PDE4D: variants seen among roughly 807,000 people sequenced by gnomAD.
PDE4D encodes phosphodiesterase 4D, also known as 3',5'-cyclic-AMP phosphodiesterase 4D.
A neutral mutation model predicts 87.4 loss-of-function variants in PDE4D; 24 were observed. That is an observed-to-expected ratio of 0.27 (90% CI 0.20 to 0.39). The LOEUF is 0.39. PDE4D is among the 10% of genes least tolerant of loss of function. PDE4D has a pLI of 1.00. For synonymous variants in PDE4D, 384 were observed against 383.2 expected (o/e 1.00, Z -0.02); for missense variants, 714 against 1,041.0 (o/e 0.69, Z 4.32).
At chr5:60,197,869 C>T (rs1583044174) in intron 1 of PDE4D, among the ~76,000 whole-genome samples, 1 of 151,592 alleles carries the variant, frequency 6.6e-6, no homozygotes, top group Non-Finnish European at 1.5e-5. Context: ...AGCCCGTTAG[C>T]GCCCTTGCAA....
At chr5:59,489,285 C>CAA (rs70975319) in intron 1 of PDE4D, among the ~76,000 whole-genome samples, 35 of 148,344 alleles carry the variant, frequency 2.4e-4, no homozygotes, top group Admixed American at 2.7e-4. Context: ...ACAAAAAAAA[C>CAA]AAAAAAAAAC....
intron 1 of PDE4D, among the ~76,000 whole-genome samples, chr5:60,379,668 AG>A (rs1291685832): frequency 6.6e-6 from 1 of 152,168 alleles, no homozygotes; most frequent in African/African-American, 2.4e-5. Context: ...GGTTCTTTGT[AG>A]GAAGTCTTTT....
At chr5:60,196,426 G>A (rs755457243) in intron 1 of PDE4D, among the ~76,000 whole-genome samples, 1 of 151,718 alleles carries the variant, frequency 6.6e-6, no homozygotes, top group Non-Finnish European at 1.5e-5. Context: ...GCCTCCTGCA[G>A]CAGAGAAGAA....
At chr5:59,800,203 GT>G (rs1451828875) in intron 1 of PDE4D, among the ~76,000 whole-genome samples, 1 of 151,944 alleles carries the variant, frequency 6.6e-6, no homozygotes, top group Non-Finnish European at 1.5e-5. Flanking sequence ...TATATGAAAT[GT>G]TTCCTATTAG....
At chr5:60,382,164 T>A (rs940654673) in intron 1 of PDE4D, among the ~76,000 whole-genome samples, 1 of 152,112 alleles carries the variant, frequency 6.6e-6, no homozygotes, top group Admixed American at 6.5e-5. Context: ...GATGTAATTA[T>A]GATAAGCATT....
intron 1 of PDE4D, among the ~76,000 whole-genome samples, chr5:59,394,100 T>C (rs1788806674): frequency 6.6e-6 from 1 of 151,078 alleles, no homozygotes; most frequent in African/African-American, 2.5e-5. Context: ...TCCCCTTCAG[T>C]TGCTAAAATA....
chr5:59,227,542 G>A lies in PDE4D; in HGVS notation c.456-11574C>T, dbSNP rs181965170. Among the ~76,000 whole-genome samples the A allele has an allele frequency of 3.6e-3, 544 of 152,008 alleles. 4 individuals carry two copies. The highest frequency in any genetic ancestry group is 0.012 in the African/African-American group (503 of 41,478). On this transcript the variant is annotated intron_variant, in intron 1 of 14. Transcript: ENST00000340635. ...CCCAGAATCTACAACGAAATTAAACGAACATTCAAGCAAAAACCAAACCGC... is the reference window on the plus strand; with the variant it reads ...CCCAGAATCTACAACGAAATTAAACAAACATTCAAGCAAAAACCAAACCGC...
chr5:60,032,031 T>C (rs527726353), intron 2 of PDE4D, among the ~76,000 whole-genome samples: 1 of 152,284 alleles, frequency 6.6e-6, no homozygotes, highest in African/African-American at 2.4e-5. Flanking sequence ...AAATTACCTT[T>C]TTAATTAGTA....
intron 1 of PDE4D, among the ~76,000 whole-genome samples, chr5:59,326,860 C>T (rs1254678529): frequency 6.6e-6 from 1 of 152,034 alleles, no homozygotes; most frequent in Non-Finnish European, 1.5e-5. Flanking sequence ...AATTCCTTTC[C>T]AATTCGCATA....
rs35979900 is a variant in PDE4D at position 59,762,854 on chromosome 5, G to GATATATATATATAT, written c.455+130300_455+130313dup. ...ACTAAAAAAGAGCAAACTGCTTAAG[G>GATATATATATATAT]ATATATATATATATATATATATATA... On this transcript the variant is annotated intron_variant, in intron 1 of 14. Coordinates refer to ENST00000340635, the MANE Select transcript of PDE4D (RefSeq NM_001104631.2). Among the ~76,000 whole-genome samples, 14 of 51,690 alleles carry GATATATATATATAT rather than the reference G, an allele frequency of 2.7e-4. 1 individual carries two copies. Among genetic ancestry groups the GATATATATATATAT allele is most frequent in the Non-Finnish European group, 3.8e-4 (10 of 26,576 alleles). The allele number at this position is 51,690 out of a possible 152,430, so 33.9% of individuals were successfully genotyped here.
At chr5:59,358,366 A>C (rs1488405608) in intron 1 of PDE4D, among the ~76,000 whole-genome samples, 2 of 152,104 alleles carry the variant, frequency 1.3e-5, no homozygotes, top group African/African-American at 4.8e-5. Context: ...CAATATTGTA[A>C]CGCTTCACAA....
chr5:59,125,919 A>C (rs1422487088), intron 5 of PDE4D, among the ~76,000 whole-genome samples: 1 of 152,132 alleles, frequency 6.6e-6, no homozygotes, highest in Non-Finnish European at 1.5e-5. Context: ...GGGAGGGGGC[A>C]CAAGGAGCCT....
chr5:59,429,613 T>G lies in PDE4D; in HGVS notation c.456-213645A>C, dbSNP rs537291952. Among the ~76,000 whole-genome samples the G allele has an allele frequency of 7.2e-5, 11 of 152,314 alleles. 2 individuals are homozygous for G. Among genetic ancestry groups the G allele is most frequent in the African/African-American group, 2.6e-4 (11 of 41,592 alleles). ...CATAAAATTAGGGAGAAATGGAATT[T>G]TCACAGAGAGAATGGAACATCTTTA... On this transcript the variant is annotated intron_variant, in intron 1 of 14. Coordinates refer to ENST00000340635, the MANE Select transcript of PDE4D (RefSeq NM_001104631.2).
intron 1 of PDE4D, among the ~76,000 whole-genome samples, chr5:59,343,793 C>T (rs1779171187): frequency 6.6e-6 from 1 of 152,114 alleles, no homozygotes; most frequent in South Asian, 2.1e-4. Context: ...ACAGTCCATA[C>T]ACTCAATTTC....
chr5:59,127,668 G>GC (rs1775649383), intron 5 of PDE4D, among the ~76,000 whole-genome samples: 1 of 136,208 alleles, frequency 7.3e-6, no homozygotes, highest in African/African-American at 2.9e-5. Flanking sequence ...CAAAAGCACT[G>GC]CAATTGCTTG....
intron 1 of PDE4D, among the ~76,000 whole-genome samples, chr5:60,253,585 G>GA (rs1198997195): frequency 5.9e-5 from 9 of 151,682 alleles, no homozygotes; most frequent in Non-Finnish European, 1.2e-4. Context: ...TATGAGAAAG[G>GA]AAAAAAATTC....
intron 1 of PDE4D, among the ~76,000 whole-genome samples, chr5:59,692,104 G>C (rs769186899): frequency 6.6e-6 from 1 of 152,110 alleles, no homozygotes; most frequent in Non-Finnish European, 1.5e-5. Context: ...TGTGGGAAAA[G>C]TTCTTCTTAA....
intron 1 of PDE4D, among the ~76,000 whole-genome samples, chr5:59,480,574 T>C (rs1177874240): frequency 6.6e-6 from 1 of 152,156 alleles, no homozygotes; most frequent in African/African-American, 2.4e-5. Context: ...CATCATGGCA[T>C]GTGGCCATGT....
At chr5:59,104,572 A>G (rs148808763) in intron 5 of PDE4D, among the ~76,000 whole-genome samples, 111 of 152,354 alleles carry the variant, frequency 7.3e-4, no homozygotes, top group Middle Eastern at 6.8e-3. Flanking sequence ...AATTCACAAC[A>G]GCGGCAAGGA....
Sources: allele counts gnomAD v4.1 joint callset (sites outside exome capture counted in the v4.1 genomes callset), GRCh38; gene constraint gnomAD v4.1.1; transcripts MANE v1.5; gene names NCBI Gene and HGNC (gene_info 2026-07-23, HGNC 2026-07-21).